Variants in MLXIP observed in about 807,000 individuals in gnomAD.
The protein encoded by MLXIP is MLX interacting protein, also known as MLX-interacting protein.
Under a neutral mutation model 87.2 loss-of-function variants are expected in MLXIP, and 30 were observed. The observed-to-expected ratio is 0.34, with a 90% CI of 0.26 to 0.47. The LOEUF (loss-of-function observed/expected upper bound fraction) is 0.47. Ranked by LOEUF, MLXIP falls within the 20% of genes least tolerant of loss-of-function variation. The pLI is 1.00. For synonymous variants in MLXIP, 530 were observed against 514.0 expected, an observed-to-expected ratio of 1.03 and a Z score of -0.42; for missense variants, 1,002 against 1,240.1, an observed-to-expected ratio of 0.81 and a Z score of 2.88.
intron 1 of MLXIP, among the ~76,000 whole-genome samples, chr12:122,116,053 A>AACACACACAC (rs138548664): frequency 0.012 from 1,746 of 147,304 alleles, 28 homozygotes; most frequent in African/African-American, 0.042. Context: ...TCCATCTGAA[A>AACACACACAC]ACACACACAC....
At chr12:122,117,694 A>AG (rs1024089534) in intron 1 of MLXIP, among the ~76,000 whole-genome samples, 1 of 152,312 alleles carries the variant, frequency 6.6e-6, no homozygotes, top group Admixed American at 6.5e-5. Flanking sequence ...GTAATACAGT[A>AG]GTCCCCCCTT....
At chr12:122,103,797 G>T (rs1337131291) in intron 1 of MLXIP, among the ~76,000 whole-genome samples, 1 of 151,034 alleles carries the variant, frequency 6.6e-6, no homozygotes, top group Non-Finnish European at 1.5e-5. Flanking sequence ...CCAAAGTGCT[G>T]GGATTACAGG....
rs1241394748 is a variant in MLXIP at position 122,095,297 on chromosome 12, T to TGG, written c.413+16037_413+16038dup. Among the ~76,000 whole-genome samples, 40 of 151,440 alleles carry TGG rather than the reference T, an allele frequency of 2.6e-4. 1 individual carries two copies. Among genetic ancestry groups the TGG allele is most frequent in the African/African-American group, 9.5e-4 (39 of 41,016 alleles). The stretch of plus-strand genomic sequence containing the variant: ...TGGTGTGTGTGGTATGTTGTGTGTG[T>TGG]GGGGGGGTGTGTGTTTGCAGTACAC... On this transcript the variant is annotated intron_variant, in intron 1 of 16. Coordinates refer to ENST00000319080, the MANE Select transcript of MLXIP (RefSeq NM_014938.6).
chr12:122,081,879 C>T (rs1255482026), intron 1 of MLXIP, among the ~76,000 whole-genome samples: 1 of 152,138 alleles, frequency 6.6e-6, no homozygotes, highest in African/African-American at 2.4e-5. Flanking sequence ...TCCTGTCTGT[C>T]CTCTGGCCTC....
chr12:122,140,574 G>A (rs893298761), intron 15 of MLXIP, among the ~76,000 whole-genome samples: 4 of 152,088 alleles, frequency 2.6e-5, no homozygotes, highest in East Asian at 1.9e-4. Context: ...GATTATAGAC[G>A]TGAGCCACCG....
chr12:122,128,073 T>C, intron 3 of MLXIP, 105 bp downstream of exon 3: 1 of 1,023,282 alleles, frequency 9.8e-7, no homozygotes, highest in Non-Finnish European at 1.5e-6. Flanking sequence ...CCGAGGGTAG[T>C]GCAGCGCCTG....
chr12:122,138,316 G>A (rs759480769), intron 13 of MLXIP, 21 bp downstream of exon 13: 1 of 1,613,460 alleles, frequency 6.2e-7, no homozygotes, highest in Non-Finnish European at 8.5e-7. Context: ...AAGAGCGTGG[G>A]CTGTGGCAGG....
At chr12:122,106,841 A>C (rs1341763613) in intron 1 of MLXIP, among the ~76,000 whole-genome samples, 1 of 151,976 alleles carries the variant, frequency 6.6e-6, no homozygotes. Context: ...ACCTCAGGTG[A>C]TACACCCACC....
At chr12:122,087,252 G>T (rs1231203923) in intron 1 of MLXIP, among the ~76,000 whole-genome samples, 1 of 152,166 alleles carries the variant, frequency 6.6e-6, no homozygotes, top group Non-Finnish European at 1.5e-5. Context: ...CTAGCCCTTG[G>T]GGATACAGTG....
intron 1 of MLXIP, among the ~76,000 whole-genome samples, chr12:122,106,694 C>T (rs938326359): frequency 6.4e-4 from 96 of 150,480 alleles, no homozygotes; most frequent in African/African-American, 2.2e-3. Flanking sequence ...CTCCGCCTCC[C>T]GGGTTCAAGT....
At position 122,133,844 on chromosome 12, in the gene MLXIP, G is replaced by A. The variant is rs375116116; in HGVS notation, c.1589G>A (p.Arg530Gln). The A allele has an allele frequency of 3.5e-5, 56 of 1,612,548 alleles. No homozygotes were observed. In the African/African-American group the frequency reaches 3.6e-4, roughly 10 times the overall value. The change falls in exon 9 of 17, where the codon CGG becomes CAG. Residue 530 changes from arginine to glutamine, a missense_variant. Transcript: ENST00000319080. This position sits in a 1 kb window ranked among gnomAD's most constrained non-coding sequence, Gnocchi z 4.9. Reference protein sequence around the residue: ...PCGLALSPVTRPPQPRLTFVH... With the variant: ...PCGLALSPVTQPPQPRLTFVH... ...GGGCTGGCACTGTCTCCTGTCACCC[G>A]GCCTCCCCAGCCACGGTTAACTTTT...
intron 1 of MLXIP, among the ~76,000 whole-genome samples, chr12:122,121,178 T>G (rs1416988886): frequency 2.0e-5 from 3 of 151,586 alleles, no homozygotes; most frequent in Admixed American, 6.6e-5. Flanking sequence ...CCCAGCTAAT[T>G]TTTGTATTTT....
intron 1 of MLXIP, among the ~76,000 whole-genome samples, chr12:122,097,292 A>G (rs897373223): frequency 4.6e-5 from 7 of 152,056 alleles, no homozygotes; most frequent in African/African-American, 1.7e-4. Flanking sequence ...TGGCCTCACT[A>G]CAGGTGTGAG....
At chr12:122,105,924 G>A (rs1278108602) in intron 1 of MLXIP, among the ~76,000 whole-genome samples, 1 of 151,928 alleles carries the variant, frequency 6.6e-6, no homozygotes, top group Non-Finnish European at 1.5e-5. Context: ...CATCGTTTTG[G>A]ACTATAGGTT....
chr12:122,102,786 C>T (rs1403353266), intron 1 of MLXIP, among the ~76,000 whole-genome samples: 1 of 152,164 alleles, frequency 6.6e-6, no homozygotes, highest in Non-Finnish European at 1.5e-5. Context: ...AAACATGACA[C>T]AGAGTGAAAC....
Position 122,092,660 on chromosome 12 carries a change from A to G in MLXIP, c.413+13394A>G, listed in dbSNP as rs1952264013. On this transcript the variant is annotated intron_variant, in intron 1 of 16. Transcript: ENST00000319080. ...GGACTATAGGTTACATTCCATTTTA[A>G]GCTATCACCCCTCAGCATCACCACC... 2.0e-5 allele frequency among the ~76,000 whole-genome samples: 3 copies of G among 152,262 alleles called. No individual in the cohort carries two copies. In the South Asian group the frequency reaches 6.2e-4, roughly 32 times the overall value.
rs541413255 is a variant in MLXIP, at chr12:122,133,311, C to T, written c.1093-37C>T. 1 of 1,527,306 alleles carries T rather than the reference C, an allele frequency of 6.5e-7. No individual in the cohort carries two copies. Among genetic ancestry groups the T allele is most frequent in the South Asian group, 1.3e-5 (1 of 78,076 alleles). 94.6% of individuals were successfully genotyped at this position (1,527,306 alleles called of 1,614,324 possible). A position where few individuals can be genotyped will look rare whatever the true frequency, so the allele number is the denominator to read the frequency against. On this transcript the variant is annotated intron_variant, in intron 8 of 16. Coordinates refer to ENST00000319080, the MANE Select transcript of MLXIP (RefSeq NM_014938.6). This position sits in a 1 kb window ranked among gnomAD's most constrained non-coding sequence, Gnocchi z 4.9. ...AGCGCTAGAAAGGAATTGTCTGACC[C>T]CAGCATTGCTTCCTGGCTCCTTTCT... is the stretch of plus-strand genomic sequence containing the variant.
intron 1 of MLXIP, among the ~76,000 whole-genome samples, chr12:122,100,284 G>C (rs1353609124): frequency 6.6e-6 from 1 of 152,150 alleles, no homozygotes; most frequent in Non-Finnish European, 1.5e-5. Context: ...ATGGGATTAA[G>C]GTTGGCTTGC....
Position 122,141,845 on chromosome 12 carries a change from C to T in MLXIP, c.*33C>T. ...GCTGGCATGTGGCCGCATGAGATGC[C>T]AGGAGACCCTTCCCTGCCCATGGAG... On this transcript the variant is annotated 3_prime_UTR_variant, in exon 17 of 17. Transcript: ENST00000319080. The T allele has an allele frequency of 1.2e-6, 2 of 1,610,166 alleles. No homozygotes were observed. Among genetic ancestry groups the T allele is most frequent in the Non-Finnish European group, 1.7e-6 (2 of 1,178,828 alleles).
Sources: gnomAD v4.1 joint callset for allele counts (sites outside exome capture counted in the v4.1 genomes callset) on GRCh38, gnomAD v4.1.1 for gene constraint, Gnocchi (gnomAD v3.1) non-coding constraint, MANE v1.5 for transcripts, NCBI Gene and HGNC (gene_info 2026-07-23, HGNC 2026-07-21) for gene names.